Variants in LRMDA observed in about 807,000 individuals in gnomAD.
The protein encoded by LRMDA is leucine-rich melanocyte differentiation-associated protein.
Under a neutral mutation model 29.8 loss-of-function variants are expected in LRMDA, and 18 were observed. The ratio of observed to expected loss-of-function variants is 0.60; its 90% confidence interval spans 0.42 to 0.90. LRMDA has a LOEUF of 0.90. Among genes scored for constraint, LRMDA ranks in the 40% least tolerant of loss-of-function variants. The pLI is 0.00. For synonymous variants in LRMDA, 125 were observed against 109.4 expected (o/e 1.14, Z -0.89); for missense variants, 273 against 273.9 (o/e 1.00, Z 0.02).
intron 2 of LRMDA, among the ~76,000 whole-genome samples, chr10:75,775,304 G>A (rs557441261): frequency 6.6e-6 from 1 of 152,294 alleles, no homozygotes; most frequent in East Asian, 1.9e-4. Flanking sequence ...GAGTGTAACA[G>A]CTATTCATAG....
chr10:76,059,162 C>G (rs1175989609), intron 5 of LRMDA, among the ~76,000 whole-genome samples: 1 of 152,110 alleles, frequency 6.6e-6, no homozygotes, highest in East Asian at 1.9e-4. Flanking sequence ...GGGGGACTTT[C>G]TTGTTTGCCA....
chr10:76,161,351 A>G (rs191911609), intron 5 of LRMDA, among the ~76,000 whole-genome samples: 36 of 152,282 alleles, frequency 2.4e-4, no homozygotes, highest in Non-Finnish European at 4.1e-4. Flanking sequence ...TTGATTTTGA[A>G]TTATACATGT....
At chr10:76,344,415 A>G (rs1044674352) in intron 6 of LRMDA, among the ~76,000 whole-genome samples, 3 of 152,144 alleles carry the variant, frequency 2.0e-5, no homozygotes, top group Non-Finnish European at 4.4e-5. Flanking sequence ...AAGAACAGAC[A>G]TTCGTATTAT....
intron 2 of LRMDA, among the ~76,000 whole-genome samples, chr10:75,475,627 A>G (rs1248164880): frequency 6.6e-6 from 1 of 152,216 alleles, no homozygotes; most frequent in African/African-American, 2.4e-5. Context: ...AAAGACTCCA[A>G]AATATAAACC....
intron 4 of LRMDA, among the ~76,000 whole-genome samples, chr10:76,055,089 A>AAAAAAAAAAAAG (rs1564640519): frequency 1.6e-5 from 2 of 125,534 alleles, no homozygotes; most frequent in African/African-American, 5.5e-5. Context: ...AAAAAAAAAA[A>AAAAAAAAAAAAG]AAAAAGAAAA....
intron 2 of LRMDA, among the ~76,000 whole-genome samples, chr10:75,888,420 A>G (rs900954378): frequency 6.6e-6 from 1 of 152,172 alleles, no homozygotes; most frequent in Non-Finnish European, 1.5e-5. Flanking sequence ...CATACACTGA[A>G]CCGTTGTCAC....
At chr10:76,108,519 C>T (rs1589330214) in intron 5 of LRMDA, among the ~76,000 whole-genome samples, 1 of 152,076 alleles carries the variant, frequency 6.6e-6, no homozygotes, top group South Asian at 2.1e-4. Flanking sequence ...GATAAACACC[C>T]CTACACACAT....
chr10:76,091,132 C>T (rs73283318), intron 5 of LRMDA, among the ~76,000 whole-genome samples: 196 of 152,292 alleles, frequency 1.3e-3, no homozygotes, highest in African/African-American at 4.5e-3. Flanking sequence ...TGTAAGCCTG[C>T]TCTTCTCAAC....
At chr10:75,651,159 C>G (rs1055837001) in intron 2 of LRMDA, among the ~76,000 whole-genome samples, 1 of 152,144 alleles carries the variant, frequency 6.6e-6, no homozygotes, top group East Asian at 1.9e-4. Flanking sequence ...TTTCTGTACT[C>G]TGTGTGCTGT....
At chr10:75,716,661 T>TG (rs1237317135) in intron 2 of LRMDA, among the ~76,000 whole-genome samples, 3 of 152,126 alleles carry the variant, frequency 2.0e-5, no homozygotes, top group African/African-American at 7.2e-5. Flanking sequence ...AAGGAGACCA[T>TG]GGGGGTTCGA....
At chr10:75,543,108 G>C (rs1840037267) in intron 2 of LRMDA, among the ~76,000 whole-genome samples, 1 of 152,176 alleles carries the variant, frequency 6.6e-6, no homozygotes, top group Non-Finnish European at 1.5e-5. Flanking sequence ...TCCTTCCCTG[G>C]TAATTGCAAG....
At chr10:75,682,179 A>G (rs574222327) in intron 2 of LRMDA, among the ~76,000 whole-genome samples, 3 of 152,332 alleles carry the variant, frequency 2.0e-5, no homozygotes, top group Non-Finnish European at 4.4e-5. Context: ...TAAACATTCC[A>G]CGCAGCAGAA....
chr10:76,165,088 T>C (rs1850715624), intron 5 of LRMDA, among the ~76,000 whole-genome samples: 1 of 152,236 alleles, frequency 6.6e-6, no homozygotes, highest in South Asian at 2.1e-4. Context: ...TTCTCCTGCC[T>C]CAGTTTCCCA....
chr10:76,352,329 CA>C (rs758681776), intron 6 of LRMDA, among the ~76,000 whole-genome samples: 1 of 152,004 alleles, frequency 6.6e-6, no homozygotes, highest in Non-Finnish European at 1.5e-5. Flanking sequence ...TAAAATAGAA[CA>C]ATTATAAGAA....
chr10:76,362,662 G>A (rs1452737139), intron 6 of LRMDA, among the ~76,000 whole-genome samples: 1 of 152,094 alleles, frequency 6.6e-6, no homozygotes, highest in East Asian at 1.9e-4. Flanking sequence ...ATTGAACATT[G>A]CACCCAAAGG....
intron 2 of LRMDA, among the ~76,000 whole-genome samples, chr10:75,526,858 C>CAA (rs57071985): frequency 5.2e-5 from 7 of 133,632 alleles, no homozygotes; most frequent in South Asian, 2.4e-4. Flanking sequence ...GGCCCTATCT[C>CAA]AAAAAAAAAA....
chr10:75,993,115 T>C (rs573202727), intron 2 of LRMDA, among the ~76,000 whole-genome samples: 1 of 152,134 alleles, frequency 6.6e-6, no homozygotes, highest in African/African-American at 2.4e-5. Flanking sequence ...CTCTGCATGG[T>C]GCAGTCAGCA....
At chr10:76,465,425 C>T (rs1252362159) in intron 6 of LRMDA, among the ~76,000 whole-genome samples, 1 of 152,144 alleles carries the variant, frequency 6.6e-6, no homozygotes, top group Non-Finnish European at 1.5e-5. Context: ...TCACTACTGC[C>T]ATAAGAACCA....
intron 2 of LRMDA, among the ~76,000 whole-genome samples, chr10:75,734,158 C>T (rs930980990): frequency 4.6e-5 from 7 of 152,126 alleles, no homozygotes; most frequent in African/African-American, 1.7e-4. Flanking sequence ...TCTAACTCTC[C>T]TGCTTGCTTC....
Sources: gnomAD v4.1 joint callset for allele counts (sites outside exome capture counted in the v4.1 genomes callset) on GRCh38, gnomAD v4.1.1 for gene constraint, MANE v1.5 for transcripts, NCBI Gene and HGNC (gene_info 2026-07-23, HGNC 2026-07-21) for gene names.